The following PANK3 variants were observed in gnomAD, a reference collection of about 807,000 sequenced individuals.
PANK3 encodes the protein hPanK3.
In PANK3, 20 loss-of-function variants were observed where a neutral mutation model predicts 39.4. The ratio of observed to expected loss-of-function variants is 0.51; its 90% CI spans 0.36 to 0.74. The LOEUF (loss-of-function observed/expected upper bound fraction) is 0.74. PANK3 is among the 30% of genes least tolerant of loss of function. The pLI is 0.00. For missense variants in PANK3, 265 were observed against 437.0 expected (o/e 0.61, Z 3.51); for synonymous variants, 140 against 157.3 (o/e 0.89, Z 0.82).
chr5:168,568,620 T>G (rs779672597), intron 2 of PANK3, 26 bp downstream of exon 2: 327 of 1,496,104 alleles, frequency 2.2e-4, no homozygotes, highest in Non-Finnish European at 3.0e-4. Context: ...GGTATCAATT[T>G]TCAGTTTTGA....
chr5:168,557,317 C>G lies in PANK3; in HGVS notation c.*254G>C, dbSNP rs1208498210. The G allele has an allele frequency of 3.0e-6, 1 of 331,920 alleles. No homozygotes were observed. The highest frequency in any genetic ancestry group is 5.7e-6 in the Non-Finnish European group (1 of 176,742). The allele number at this position is 331,920 out of a possible 1,614,324, so 20.6% of individuals were successfully genotyped here. ...TGTTGGCTACATAAAATAAAAAAAT[C>G]TTTTTAAGAGGAAGCTCAATAATCA... On this transcript the variant is annotated 3_prime_UTR_variant, in exon 7 of 7. Transcript: ENST00000239231.
At chr5:168,566,888 G>A (rs991471301) in intron 2 of PANK3, among the ~76,000 whole-genome samples, 2 of 152,156 alleles carry the variant, frequency 1.3e-5, no homozygotes, top group African/African-American at 4.8e-5. Flanking sequence ...GATTGCAGGC[G>A]CCCGCCACCA....
chr5:168,570,302 G>A (rs1201534748), intron 1 of PANK3, among the ~76,000 whole-genome samples: 4 of 151,176 alleles, frequency 2.6e-5, no homozygotes, highest in Admixed American at 6.6e-5. Context: ...GGAGAATGGC[G>A]TGAACCCGGG....
intron 6 of PANK3, 134 bp from the exon 7 acceptor site, chr5:168,557,755 T>G (rs1759372529): frequency 1.5e-6 from 1 of 651,836 alleles, no homozygotes. Context: ...TTCTGCGTTG[T>G]TAGCTATTAT....
In PANK3 at chr5:168,551,381, GTTAAA is replaced by G. The variant is rs924352344; in HGVS notation, c.*6185_*6189del. 7 of 152,106 alleles carry G rather than the reference GTTAAA, an allele frequency of 4.6e-5. No individual in the cohort carries two copies. Among genetic ancestry groups the G allele is most frequent in the African/African-American group, 1.7e-4 (7 of 41,422 alleles). The allele number at this position is 152,106 out of a possible 1,614,324, so 9.4% of individuals were successfully genotyped here. A position where few individuals can be genotyped will look rare whatever the true frequency, so the allele number is the denominator to read the frequency against. ...TTCACACCCACCACAAAACAGTTAA[GTTAAA>G]TTCAAAATAATGTACACTCATTTTC... On this transcript the variant is annotated 3_prime_UTR_variant, in exon 7 of 7. Coordinates refer to ENST00000239231, the MANE Select transcript of PANK3 (RefSeq NM_024594.4).
chr5:168,564,352 G>A (rs1759492586), intron 3 of PANK3, among the ~76,000 whole-genome samples: 1 of 152,158 alleles, frequency 6.6e-6, no homozygotes, highest in Admixed American at 6.5e-5. Context: ...ACACTCTGTA[G>A]TTACCAAAGA....
rs1387618114 is a variant in PANK3, at chr5:168,565,199, G to GT, written c.635+813dup. ...AATTACTACTTTAAAATTAAAATGA[G>GT]TTTTTTTCACAAATTAATCTAAAGT... On this transcript the variant is annotated intron_variant, in intron 3 of 6. Coordinates refer to ENST00000239231, the MANE Select transcript of PANK3 (RefSeq NM_024594.4). 1.4e-4 allele frequency among the ~76,000 whole-genome samples: 21 copies of GT among 152,172 alleles called. No homozygotes were observed. In the South Asian group the frequency reaches 4.2e-3, roughly 30 times the overall value.
chr5:168,564,978 C>T (rs539807256), intron 3 of PANK3, among the ~76,000 whole-genome samples: 5 of 152,286 alleles, frequency 3.3e-5, no homozygotes, highest in East Asian at 1.9e-4. Flanking sequence ...TAAACCTTTG[C>T]TCCCTAGTCT....
intron 6 of PANK3, among the ~76,000 whole-genome samples, chr5:168,558,291 G>A (rs565082689): frequency 3.3e-5 from 5 of 151,796 alleles, no homozygotes; most frequent in South Asian, 4.2e-4. Flanking sequence ...CTCCCGAGTC[G>A]CTGGGATTAC....
chr5:168,559,010 A>G, intron 6 of PANK3, 22 bp downstream of exon 6: 1 of 1,594,188 alleles, frequency 6.3e-7, no homozygotes, highest in Non-Finnish European at 8.5e-7. Flanking sequence ...TAAAATTCAC[A>G]AAAAACATTT....
chr5:168,572,370 G>A (rs571709095), intron 1 of PANK3, among the ~76,000 whole-genome samples: 1 of 152,184 alleles, frequency 6.6e-6, no homozygotes, highest in South Asian at 2.1e-4. Flanking sequence ...GTGCAACAAG[G>A]CTGTTTATTT....
chr5:168,559,092 CAA>C lies in PANK3; in HGVS notation c.1000_1001del (p.Leu334GlyfsTer20). The C allele has an allele frequency of 6.2e-7, 1 of 1,608,272 alleles. No individual in the cohort carries two copies. Among genetic ancestry groups the C allele is most frequent in the Non-Finnish European group, 8.5e-7 (1 of 1,175,928 alleles). ...LRVNTLSMKL[L>X]AYALDYWSKG... is the part of the protein sequence containing the mutation. Reference sequence around the variant, plus strand: ...TTGACCAGTAATCCAGTGCATATGCCAAAAGTTTCATTGAGAGGGTATTGACA... The same window carrying C: ...TTGACCAGTAATCCAGTGCATATGCCAAGTTTCATTGAGAGGGTATTGACA... On this transcript the variant is annotated frameshift_variant, in exon 6 of 7. Transcript: ENST00000239231. LOFTEE classifies it high-confidence loss of function.
chr5:168,563,493 A>G (rs182585025), intron 4 of PANK3, among the ~76,000 whole-genome samples: 105 of 152,286 alleles, frequency 6.9e-4, no homozygotes, highest in Non-Finnish European at 1.2e-3. Flanking sequence ...TGCATTTGCA[A>G]TCCAACTTTT....
At position 168,549,002 on chromosome 5, in the gene PANK3, G is replaced by C. The variant is rs1006521166; in HGVS notation, c.*8569C>G. ...AATCCCCAAATTAAAGGATTCCTTA[G>C]ATTGGGACATAATAACATCTTCTGA... On this transcript the variant is annotated 3_prime_UTR_variant, in exon 7 of 7. Coordinates refer to ENST00000239231, the MANE Select transcript of PANK3 (RefSeq NM_024594.4). 6.6e-6 allele frequency: 1 copy of C among 152,174 alleles called. No homozygotes were observed. Among genetic ancestry groups the C allele is most frequent in the African/African-American group, 2.4e-5 (1 of 41,438 alleles). 9.4% of individuals were successfully genotyped at this position (152,174 alleles called of 1,614,324 possible).
intron 1 of PANK3, among the ~76,000 whole-genome samples, chr5:168,575,353 A>T (rs1285716758): frequency 6.6e-6 from 1 of 152,244 alleles, no homozygotes; most frequent in African/African-American, 2.4e-5. Flanking sequence ...ACCTTTTAAG[A>T]TACTAAACAG....
chr5:168,561,748 T>C (rs1050002634), intron 4 of PANK3, among the ~76,000 whole-genome samples: 11 of 152,152 alleles, frequency 7.2e-5, no homozygotes, highest in Admixed American at 1.3e-4. Context: ...TTAGTTATTA[T>C]AAGAAAGCAA....
rs1296991455 is a variant in PANK3 at position 168,550,557 on chromosome 5, T to C, written c.*7014A>G. The C allele has an allele frequency of 1.3e-5, 2 of 152,198 alleles. No individual in the cohort carries two copies. The highest frequency in any genetic ancestry group is 2.9e-5 in the Non-Finnish European group (2 of 68,024). 9.4% of individuals were successfully genotyped at this position (152,198 alleles called of 1,614,324 possible). Reference sequence around the variant, plus strand: ...TAAAACCTTTCATATTACTTTAAGGTATATCTACCTGGCCATTACAGGCAA... The same window carrying C: ...TAAAACCTTTCATATTACTTTAAGGCATATCTACCTGGCCATTACAGGCAA... On this transcript the variant is annotated 3_prime_UTR_variant, in exon 7 of 7. Coordinates refer to ENST00000239231, the MANE Select transcript of PANK3 (RefSeq NM_024594.4).
At chr5:168,577,969 C>T (rs763134750) in intron 1 of PANK3, among the ~76,000 whole-genome samples, 15 of 152,232 alleles carry the variant, frequency 9.9e-5, no homozygotes, top group Non-Finnish European at 2.1e-4. Context: ...TAAGCCTTCA[C>T]ATCACTATTT....
chr5:168,576,822 A>C (rs781662579), intron 1 of PANK3, among the ~76,000 whole-genome samples: 1 of 152,066 alleles, frequency 6.6e-6, no homozygotes, highest in Non-Finnish European at 1.5e-5. Context: ...TTCAAAAACA[A>C]AACAAATATA....
Sources: gnomAD v4.1 joint callset for allele counts (sites outside exome capture counted in the v4.1 genomes callset) on GRCh38, gnomAD v4.1.1 for gene constraint, MANE v1.5 for transcripts, NCBI Gene and HGNC (gene_info 2026-07-23, HGNC 2026-07-21) for gene names.